The following ZFYVE16 variants were observed in gnomAD, a reference collection of about 807,000 sequenced individuals.
ZFYVE16 encodes zinc finger FYVE domain-containing protein 16.
Under a neutral mutation model 138.1 loss-of-function variants are expected in ZFYVE16, and 89 were observed. That is an observed-to-expected ratio of 0.64 (90% CI 0.54 to 0.77). The LOEUF is 0.77. Ranked by LOEUF, ZFYVE16 falls within the 30% of genes least tolerant of loss-of-function variation. The pLI, the probability that ZFYVE16 is intolerant of heterozygous loss-of-function variation, is 0.00. For synonymous variants in ZFYVE16, 596 were observed against 618.3 expected, an observed-to-expected ratio of 0.96 and a Z score of 0.53; for missense variants, 1,793 against 1,786.7, an observed-to-expected ratio of 1.00 and a Z score of -0.06.
chr5:80,422,851 C>T (rs951645697), intron 1 of ZFYVE16, among the ~76,000 whole-genome samples: 2 of 152,168 alleles, frequency 1.3e-5, no homozygotes, highest in African/African-American at 4.8e-5. Context: ...AAATGTTGAA[C>T]CAGCCTTGCA....
At position 80,450,475 on chromosome 5, in the gene ZFYVE16, G is replaced by A. The variant is rs1017651008; in HGVS notation, c.3271G>A (p.Gly1091Ser). The change falls in exon 10 of 19, where the codon GGC (glycine) becomes AGC (serine). Residue 1091 changes from glycine (G) to serine (S), a missense_variant. Physicochemically the swap from Gly to Ser is moderately conservative, Grantham distance 56. Transcript: ENST00000505560. Reference protein sequence around the residue: ...YWYFSTNGLHGLGQAEIIILL... With the variant: ...YWYFSTNGLHSLGQAEIIILL... ...GTACTTTTCAACCAATGGATTGCAT[G>A]GCTTGGGACAGGCAGAAATTATTAT... 7 of 1,613,492 alleles carry A rather than the reference G, an allele frequency of 4.3e-6. No individual in the cohort carries two copies. The East Asian group carries it at 1.3e-4, about 31-fold the overall frequency.
intron 1 of ZFYVE16, among the ~76,000 whole-genome samples, chr5:80,415,698 C>T (rs188722670): frequency 6.6e-6 from 1 of 151,798 alleles, no homozygotes; most frequent in East Asian, 1.9e-4. Flanking sequence ...GATGGAGTCT[C>T]CCTCTATCAC....
At chr5:80,432,088 A>G (rs1310718077) in intron 2 of ZFYVE16, among the ~76,000 whole-genome samples, 1 of 152,218 alleles carries the variant, frequency 6.6e-6, no homozygotes, top group Admixed American at 6.5e-5. Flanking sequence ...AAACTACTTT[A>G]AAGTTCATAT....
chr5:80,432,422 T>C (rs1749187507), intron 2 of ZFYVE16, among the ~76,000 whole-genome samples: 1 of 152,186 alleles, frequency 6.6e-6, no homozygotes, highest in Non-Finnish European at 1.5e-5. Context: ...TTACACCTTA[T>C]ATGAAAATTA....
chr5:80,465,254 G>A (rs1236694862), intron 15 of ZFYVE16, among the ~76,000 whole-genome samples: 1 of 151,762 alleles, frequency 6.6e-6, no homozygotes, highest in African/African-American at 2.4e-5. Context: ...TGTTTATCTG[G>A]GAATGTGCTA....
chr5:80,461,968 A>C (rs969734100), intron 15 of ZFYVE16, among the ~76,000 whole-genome samples: 1 of 152,012 alleles, frequency 6.6e-6, no homozygotes, highest in African/African-American at 2.4e-5. Flanking sequence ...ACTGTCTCAA[A>C]AAACAAAACA....
intron 1 of ZFYVE16, among the ~76,000 whole-genome samples, chr5:80,426,260 GTGTGTGTGTGTGTATATA>G (rs1748020419): frequency 9.1e-5 from 5 of 54,722 alleles, no homozygotes; most frequent in South Asian, 1.2e-3. Flanking sequence ...GTGTGTGTGT[GTGTGTGTGTGTGTATATA>G]TATATATATA....
intron 14 of ZFYVE16, among the ~76,000 whole-genome samples, chr5:80,458,826 G>A (rs1752798864): frequency 6.6e-6 from 1 of 152,166 alleles, no homozygotes; most frequent in Non-Finnish European, 1.5e-5. Flanking sequence ...GATTTGTGGT[G>A]TCACCAGTAG....
At chr5:80,472,628 A>C (rs967308958) in intron 15 of ZFYVE16, 133 bp from the exon 16 acceptor site, 31 of 944,372 alleles carry the variant, frequency 3.3e-5, no homozygotes, top group Non-Finnish European at 4.6e-5. Flanking sequence ...AGTGGAAAAC[A>C]ACCATTAAGA....
intron 4 of ZFYVE16, among the ~76,000 whole-genome samples, chr5:80,439,432 G>C (rs1448042283): frequency 5.3e-5 from 8 of 152,150 alleles, no homozygotes; most frequent in African/African-American, 1.7e-4. Flanking sequence ...GCTTCCACAG[G>C]GTTCAGAATA....
chr5:80,473,108 G>A (rs1490679664), intron 16 of ZFYVE16, among the ~76,000 whole-genome samples, 185 bp downstream of exon 16: 1 of 152,146 alleles, frequency 6.6e-6, no homozygotes, highest in Non-Finnish European at 1.5e-5. Flanking sequence ...CATAAGTGGT[G>A]GTGTGGTTTT....
chr5:80,442,865 T>A (rs1434728386), intron 5 of ZFYVE16, among the ~76,000 whole-genome samples: 1 of 152,224 alleles, frequency 6.6e-6, no homozygotes. Flanking sequence ...TAAGGGTTAC[T>A]CTCTGTAGAT....
chr5:80,475,942 C>G (rs1368701947), intron 18 of ZFYVE16, among the ~76,000 whole-genome samples: 1 of 152,052 alleles, frequency 6.6e-6, no homozygotes, highest in African/African-American at 2.4e-5. Flanking sequence ...TGTGAGAGCT[C>G]TTTCCCTCAC....
At chr5:80,423,585 G>T (rs530668042) in intron 1 of ZFYVE16, among the ~76,000 whole-genome samples, 1 of 152,250 alleles carries the variant, frequency 6.6e-6, no homozygotes, top group East Asian at 1.9e-4. Flanking sequence ...GCCCAGGCTG[G>T]AGTGCAGTGG....
intron 2 of ZFYVE16, among the ~76,000 whole-genome samples, chr5:80,430,637 A>G (rs1337594694): frequency 6.6e-6 from 1 of 152,152 alleles, no homozygotes; most frequent in Non-Finnish European, 1.5e-5. Flanking sequence ...TCAAAAAATC[A>G]ATGAATCCAG....
At position 80,439,957 on chromosome 5, in the gene ZFYVE16, A is replaced by AATAG; in HGVS notation, c.2345_2348dup (p.Lys784Ter). On this transcript the variant is annotated frameshift_variant, in exon 5 of 19. Transcript: ENST00000505560. LOFTEE classifies it high-confidence loss of function. Reference sequence around the variant, plus strand: ...ATAGGTATTTTGTGGTGTCTGTTGTAATAGGAAGTGTAAACTGCAATATCT... The same window carrying AATAG: ...ATAGGTATTTTGTGGTGTCTGTTGTAATAGATAGGAAGTGTAAACTGCAATATCT... The AATAG allele has an allele frequency of 6.2e-7, 1 of 1,610,232 alleles. No homozygotes were observed. Among genetic ancestry groups the AATAG allele is most frequent in the Non-Finnish European group, 8.5e-7 (1 of 1,178,168 alleles).
rs372029608 is a variant in ZFYVE16, at chr5:80,473,880, C to G, written c.4293+21C>G. The G allele has an allele frequency of 8.0e-5, 125 of 1,562,150 alleles. 1 individual carries two copies. Among genetic ancestry groups the G allele is most frequent in the Middle Eastern group, 5.1e-4 (3 of 5,934 alleles). On this transcript the variant is annotated intron_variant, in intron 17 of 18. Coordinates refer to ENST00000505560, the MANE Select transcript of ZFYVE16 (RefSeq NM_001284236.3). Reference sequence around the variant, plus strand: ...CCGAGGTAACTAAGAAAGAAGGTCCCTTTACATGCTGTGTTTCAATATGAT... The same window carrying G: ...CCGAGGTAACTAAGAAAGAAGGTCCGTTTACATGCTGTGTTTCAATATGAT...
intron 17 of ZFYVE16, among the ~76,000 whole-genome samples, 188 bp downstream of exon 17, chr5:80,474,047 C>G (rs1224644309): frequency 6.6e-6 from 1 of 152,170 alleles, no homozygotes; most frequent in Non-Finnish European, 1.5e-5. Flanking sequence ...AGGGTTAGTT[C>G]AGGCTATCAA....
At position 80,443,154 on chromosome 5, in the gene ZFYVE16, T is replaced by C; in HGVS notation, c.2451T>C (p.Thr817=). The change falls in exon 6 of 19, where the codon ACT becomes ACC. Residue 817 remains threonine, a synonymous_variant. Coordinates refer to ENST00000505560, the MANE Select transcript of ZFYVE16 (RefSeq NM_001284236.3). The part of the protein sequence containing the change: ...AQAFERMMSP[T]GSNLKSNHSD... The stretch of plus-strand genomic sequence containing the variant: ...CATTTGAAAGGATGATGAGTCCAAC[T>C]GGTTCTAATCTTAAGTCTAATCATT... 1 of 1,585,674 alleles carries C rather than the reference T, an allele frequency of 6.3e-7. No individual in the cohort carries two copies. The highest frequency in any genetic ancestry group is 8.5e-7 in the Non-Finnish European group (1 of 1,172,820).
Sources: allele counts gnomAD v4.1 joint callset (sites outside exome capture counted in the v4.1 genomes callset), GRCh38; gene constraint gnomAD v4.1.1; transcripts MANE v1.5; gene names NCBI Gene and HGNC (gene_info 2026-07-23, HGNC 2026-07-21).